The following GRM1 variants were observed in gnomAD, a reference collection of about 807,000 sequenced individuals.
The protein encoded by GRM1 is glutamate metabotropic receptor 1.
A neutral mutation model predicts 90.9 loss-of-function variants in GRM1; 33 were observed. The observed-to-expected ratio is 0.36, with a 90% CI of 0.28 to 0.49. The LOEUF (loss-of-function observed/expected upper bound fraction) is 0.49. GRM1 is among the 20% of genes least tolerant of loss of function. The pLI is 0.99. For synonymous variants in GRM1, 700 were observed against 613.2 expected, an observed-to-expected ratio of 1.14 and a Z score of -2.09; for missense variants, 1,190 against 1,534.3, an observed-to-expected ratio of 0.78 and a Z score of 3.75.
chr6:146,284,517 C>T (rs958476931), intron 2 of GRM1, among the ~76,000 whole-genome samples: 10 of 152,124 alleles, frequency 6.6e-5, no homozygotes, highest in African/African-American at 2.4e-4. Flanking sequence ...TATGGCTTGG[C>T]TCTGTGTCCC....
intron 3 of GRM1, among the ~76,000 whole-genome samples, chr6:146,349,884 A>G (rs931544148): frequency 6.6e-6 from 1 of 152,206 alleles, no homozygotes; most frequent in African/African-American, 2.4e-5. Flanking sequence ...GTGTCTATAC[A>G]TACATATTTT....
intron 1 of GRM1, among the ~76,000 whole-genome samples, chr6:146,088,301 A>G (rs1023991755): frequency 1.3e-5 from 2 of 151,926 alleles, no homozygotes; most frequent in African/African-American, 4.8e-5. Context: ...TTTGTTTTCT[A>G]CTATTGAGTT....
At chr6:146,056,835 A>C (rs968146669) in intron 1 of GRM1, among the ~76,000 whole-genome samples, 2 of 152,118 alleles carry the variant, frequency 1.3e-5, no homozygotes, top group Non-Finnish European at 2.9e-5. Flanking sequence ...AACTGACCAG[A>C]GAAAATACTG....
chr6:146,125,909 A>G (rs1776182448), intron 1 of GRM1, among the ~76,000 whole-genome samples: 1 of 152,140 alleles, frequency 6.6e-6, no homozygotes, highest in Non-Finnish European at 1.5e-5. Context: ...AATTTGACTG[A>G]TCAGAGTACT....
At chr6:146,109,663 G>C (rs1003796444) in intron 1 of GRM1, among the ~76,000 whole-genome samples, 2 of 152,116 alleles carry the variant, frequency 1.3e-5, no homozygotes, top group Non-Finnish European at 1.5e-5. Flanking sequence ...CCAGACCCCA[G>C]AATGATAGAT....
intron 1 of GRM1, among the ~76,000 whole-genome samples, chr6:146,065,731 T>C (rs1043527428): frequency 1.3e-5 from 2 of 152,166 alleles, no homozygotes; most frequent in African/African-American, 2.4e-5. Flanking sequence ...ATTGTCCAGA[T>C]AGGAGAAGGC....
intron 6 of GRM1, among the ~76,000 whole-genome samples, chr6:146,393,230 C>T (rs892852452): frequency 4.6e-5 from 7 of 152,166 alleles, no homozygotes; most frequent in Admixed American, 1.3e-4. Context: ...ACCATTCTAA[C>T]TGGCATGAGA....
chr6:146,088,912 A>T (rs946330825), intron 1 of GRM1, among the ~76,000 whole-genome samples: 3 of 152,084 alleles, frequency 2.0e-5, no homozygotes, highest in Non-Finnish European at 2.9e-5. Context: ...ATAAACACAT[A>T]CCAATTTACC....
intron 1 of GRM1, among the ~76,000 whole-genome samples, chr6:146,039,090 A>G (rs1338355807): frequency 1.3e-5 from 2 of 152,028 alleles, no homozygotes; most frequent in African/African-American, 4.8e-5. Flanking sequence ...TGCTATAGTC[A>G]TTGAGGAGTA....
intron 1 of GRM1, among the ~76,000 whole-genome samples, chr6:146,037,666 T>G (rs1790939648): frequency 6.6e-6 from 1 of 151,988 alleles, no homozygotes; most frequent in Non-Finnish European, 1.5e-5. Context: ...TAGTTTTGGA[T>G]GACTCCAACA....
intron 7 of GRM1, among the ~76,000 whole-genome samples, chr6:146,425,997 G>C (rs1409937548): frequency 1.3e-5 from 2 of 152,190 alleles, no homozygotes; most frequent in Non-Finnish European, 2.9e-5. Flanking sequence ...CTTCCTGTGT[G>C]CAGATTCTTC....
intron 4 of GRM1, among the ~76,000 whole-genome samples, chr6:146,356,168 G>A (rs534790967): frequency 1.3e-5 from 2 of 152,252 alleles, no homozygotes; most frequent in East Asian, 1.9e-4. Context: ...AATAACCAGA[G>A]TATTTTAGGG....
At chr6:146,118,279 A>T (rs1283889669) in intron 1 of GRM1, among the ~76,000 whole-genome samples, 1 of 150,412 alleles carries the variant, frequency 6.6e-6, no homozygotes, top group African/African-American at 2.4e-5. Flanking sequence ...AGCTGGGACT[A>T]CAGGCGCCCA....
intron 7 of GRM1, among the ~76,000 whole-genome samples, chr6:146,404,083 T>C (rs553425413): frequency 3.3e-5 from 5 of 152,280 alleles, no homozygotes; most frequent in African/African-American, 9.6e-5. Flanking sequence ...GATAATCTTG[T>C]CATTTTGTAA....
chr6:146,393,586 G>A (rs2114556007), intron 6 of GRM1, among the ~76,000 whole-genome samples: 1 of 151,884 alleles, frequency 6.6e-6, no homozygotes, highest in South Asian at 2.1e-4. Flanking sequence ...TGGTGTTTTA[G>A]ACATGAAACC....
intron 6 of GRM1, among the ~76,000 whole-genome samples, chr6:146,388,868 G>A (rs77806586): frequency 0.022 from 3,278 of 152,130 alleles, 115 homozygotes; most frequent in African/African-American, 0.075. Flanking sequence ...TTAGGAAGAA[G>A]GGACTCACCC....
chr6:146,182,050 A>G (rs1394259494), intron 2 of GRM1, among the ~76,000 whole-genome samples: 1 of 152,168 alleles, frequency 6.6e-6, no homozygotes, highest in Admixed American at 6.5e-5. Flanking sequence ...ACATTTCCAC[A>G]GCTTACCTAA....
chr6:146,323,413 C>A (rs1240822273), intron 3 of GRM1, among the ~76,000 whole-genome samples: 1 of 152,122 alleles, frequency 6.6e-6, no homozygotes, highest in Non-Finnish European at 1.5e-5. Context: ...TGTTCATATC[C>A]TTCGCCCACT....
chr6:146,064,018 C>G (rs912570720), intron 1 of GRM1, among the ~76,000 whole-genome samples: 1 of 152,158 alleles, frequency 6.6e-6, no homozygotes, highest in Non-Finnish European at 1.5e-5. Context: ...TAACTAGAAT[C>G]TCTCCTAAAC....
Sources: gnomAD v4.1 joint callset for allele counts (sites outside exome capture counted in the v4.1 genomes callset) on GRCh38, gnomAD v4.1.1 for gene constraint, MANE v1.5 for transcripts, NCBI Gene and HGNC (gene_info 2026-07-23, HGNC 2026-07-21) for gene names.